The following KCNQ1 variants were observed in gnomAD, a reference collection of about 807,000 sequenced individuals.
KCNQ1 encodes the protein potassium voltage-gated channel subfamily KQT member 1.
KCNQ1 carries 49 observed loss-of-function variants against 72.4 expected under a neutral mutation model. The observed-to-expected ratio is 0.68, with a 90% confidence interval of 0.54 to 0.86. The LOEUF (loss-of-function observed/expected upper bound fraction) is 0.86. Ranked by LOEUF, KCNQ1 falls within the 40% of genes least tolerant of loss-of-function variation. The pLI is 0.00. For missense variants in KCNQ1, 790 were observed against 945.1 expected (o/e 0.84, Z 2.15); for synonymous variants, 450 against 412.6 (o/e 1.09, Z -1.10).
Position 2,785,346 on chromosome 11 carries a change from A to G in KCNQ1, c.1794+7309A>G, listed in dbSNP as rs751355365. Among the ~76,000 whole-genome samples, 2 of 151,908 alleles carry G rather than the reference A, an allele frequency of 1.3e-5. No individual in the cohort carries two copies. The highest frequency in any genetic ancestry group is 2.4e-5 in the African/African-American group (1 of 41,442). Reference sequence around the variant, plus strand: ...TTTCTGGAATATATCCTACCTGGGCATGATATATAATCCTTTTTATATGAT... The same window carrying G: ...TTTCTGGAATATATCCTACCTGGGCGTGATATATAATCCTTTTTATATGAT... On this transcript the variant is annotated intron_variant, in intron 15 of 15. Coordinates refer to ENST00000155840, the MANE Select transcript of KCNQ1 (RefSeq NM_000218.3). This position sits in a 1 kb window ranked among gnomAD's most constrained non-coding sequence, Gnocchi z 4.4.
intron 11 of KCNQ1, among the ~76,000 whole-genome samples, chr11:2,716,120 G>T (rs188778278): frequency 1.3e-5 from 2 of 152,172 alleles, no homozygotes; most frequent in South Asian, 4.1e-4. Context: ...TCCCTTGAGC[G>T]TTTTGGTTGC....
At chr11:2,730,887 G>A (rs1261272686) in intron 11 of KCNQ1, among the ~76,000 whole-genome samples, 1 of 152,196 alleles carries the variant, frequency 6.6e-6, no homozygotes, top group African/African-American at 2.4e-5. Context: ...AGCAGGGCTG[G>A]GCACCAGGCC....
Position 2,745,627 on chromosome 11 carries a change from G to T in KCNQ1, c.1515-23217G>T, listed in dbSNP as rs536187799. Among the ~76,000 whole-genome samples, 1 of 152,328 alleles carries T rather than the reference G, an allele frequency of 6.6e-6. No individual in the cohort carries two copies. The highest frequency in any genetic ancestry group is 1.5e-5 in the Non-Finnish European group (1 of 68,028). ...TCTTGCCTCATGTCTTCAGGTGCGG[G>T]GCTGGCAGAGGCTGGGGTTACCTGA... On this transcript the variant is annotated intron_variant, in intron 11 of 15. Transcript: ENST00000155840. This position sits in a 1 kb window ranked among gnomAD's most constrained non-coding sequence, Gnocchi z 6.2.
rs537021544 is a variant in KCNQ1 at position 2,663,079 on chromosome 11, A to G, written c.1514+998A>G. ...GAACTGGCAGGGTTGGGTAGCCAGA[A>G]TGAGGCCACCTCCAGGGAAGGAGTG... On this transcript the variant is annotated intron_variant, in intron 11 of 15. Transcript: ENST00000155840. This position sits in a 1 kb window ranked among gnomAD's most constrained non-coding sequence, Gnocchi z 5.2. 3 of 398,708 alleles carry G rather than the reference A, an allele frequency of 7.5e-6. No homozygotes were observed. The Admixed American group carries it at 1.3e-4, about 18-fold the overall frequency. 24.7% of individuals were successfully genotyped at this position (398,708 alleles called of 1,614,324 possible).
At chr11:2,489,085 C>G (rs1485394499) in intron 1 of KCNQ1, among the ~76,000 whole-genome samples, 12 of 152,128 alleles carry the variant, frequency 7.9e-5, no homozygotes, top group Admixed American at 7.9e-4. Context: ...TCATAAGAAC[C>G]AAAATTCAGA....
rs976666957 is a variant in KCNQ1 at position 2,446,721 on chromosome 11, G to A, written c.386+1237G>A. 9.2e-5 allele frequency among the ~76,000 whole-genome samples: 14 copies of A among 152,310 alleles called. No homozygotes were observed. Among genetic ancestry groups the A allele is most frequent in the Admixed American group, 2.6e-4 (4 of 15,304 alleles). Reference sequence around the variant, plus strand: ...CCTCCCTCCTCAAAGATGTGGTTGGGGGGTGATCTTGGAGACTTTTCCCCA... The same window carrying A: ...CCTCCCTCCTCAAAGATGTGGTTGGAGGGTGATCTTGGAGACTTTTCCCCA... On this transcript the variant is annotated intron_variant, in intron 1 of 15. Coordinates refer to ENST00000155840, the MANE Select transcript of KCNQ1 (RefSeq NM_000218.3). This position sits in a 1 kb window ranked among gnomAD's most constrained non-coding sequence, Gnocchi z 8.8.
In KCNQ1 at chr11:2,821,557, C is replaced by T. The variant is rs947206669; in HGVS notation, c.1795-26210C>T. 3.3e-5 allele frequency among the ~76,000 whole-genome samples: 5 copies of T among 152,174 alleles called. No homozygotes were observed. In the South Asian group the frequency reaches 6.2e-4, roughly 19 times the overall value. On this transcript the variant is annotated intron_variant, in intron 15 of 15. Coordinates refer to ENST00000155840, the MANE Select transcript of KCNQ1 (RefSeq NM_000218.3). The stretch of plus-strand genomic sequence containing the variant: ...CATGAGGGCAGAGCCCCACTGACCC[C>T]ACACAGTTACCCATGGTGTCCCCTT...
intron 11 of KCNQ1, among the ~76,000 whole-genome samples, chr11:2,740,824 G>A (rs191695816): frequency 1.5e-3 from 221 of 152,250 alleles, no homozygotes; most frequent in African/African-American, 4.8e-3. Flanking sequence ...CTGCGGCCAC[G>A]TCTCCTCCTC....
Position 2,475,678 on chromosome 11 carries a change from A to G in KCNQ1, c.386+30194A>G, listed in dbSNP as rs1462145866. ...CGTGGTTTGTCACTGCCCGGATCTC[A>G]TCTTGAATTCCCTGTGTTGTGGGAG... is the stretch of plus-strand genomic sequence containing the variant. On this transcript the variant is annotated intron_variant, in intron 1 of 15. Transcript: ENST00000155840. The surrounding 1 kb of genome is among the most constrained non-coding windows in gnomAD (Gnocchi z 5.8). Among the ~76,000 whole-genome samples, 1 of 152,154 alleles carries G rather than the reference A, an allele frequency of 6.6e-6. No homozygotes were observed. Among genetic ancestry groups the G allele is most frequent in the East Asian group, 1.9e-4 (1 of 5,200 alleles).
At chr11:2,791,411 GTCAAAATGGGCCCCTTT>G (rs1175992642) in intron 15 of KCNQ1, among the ~76,000 whole-genome samples, 3 of 152,220 alleles carry the variant, frequency 2.0e-5, no homozygotes, top group Non-Finnish European at 4.4e-5. Flanking sequence ...ATGTATTTTG[GTCAAAATGGGCCCCTTT>G]TCAAACTTGT....
chr11:2,535,199 A>G (rs541213305), intron 2 of KCNQ1, among the ~76,000 whole-genome samples: 15 of 152,310 alleles, frequency 9.8e-5, no homozygotes, highest in Non-Finnish European at 2.1e-4. Flanking sequence ...AAAGGACGCT[A>G]GACACTGGCC....
In KCNQ1 at chr11:2,659,087, A is replaced by G; in HGVS notation, c.1394-2874A>G. ...CTCATCATAGTCTGCTTTTCATCGTAGGGTCCTCCAACATCCGGGTTAATT... is the reference window on the plus strand; with the variant it reads ...CTCATCATAGTCTGCTTTTCATCGTGGGGTCCTCCAACATCCGGGTTAATT... On this transcript the variant is annotated intron_variant, in intron 10 of 15. Transcript: ENST00000155840. This position sits in a 1 kb window ranked among gnomAD's most constrained non-coding sequence, Gnocchi z 4.3. The G allele has an allele frequency of 1.0e-5, 4 of 398,574 alleles. No individual in the cohort carries two copies. The highest frequency in any genetic ancestry group is 1.8e-5 in the Non-Finnish European group (4 of 226,044). The allele number at this position is 398,574 out of a possible 1,614,324, so 24.7% of individuals were successfully genotyped here.
chr11:2,738,168 C>T lies in KCNQ1; in HGVS notation c.1515-30676C>T, dbSNP rs550716921. Among the ~76,000 whole-genome samples, 10 of 146,650 alleles carry T rather than the reference C, an allele frequency of 6.8e-5. No individual in the cohort carries two copies. In the South Asian group the frequency reaches 1.3e-3, roughly 19 times the overall value. On this transcript the variant is annotated intron_variant, in intron 11 of 15. Coordinates refer to ENST00000155840, the MANE Select transcript of KCNQ1 (RefSeq NM_000218.3). The stretch of plus-strand genomic sequence containing the variant: ...CCAAATGGTGGGGAGGGAGGAGAGA[C>T]GAGGGCAGAAGTGAGCCCCTGGCTC...
chr11:2,733,814 A>ACACACACACACTCACACACTCTCT, intron 11 of KCNQ1, among the ~76,000 whole-genome samples: 41 of 86,660 alleles, frequency 4.7e-4, no homozygotes, highest in African/African-American at 1.7e-3. Flanking sequence ...ACACACACAC[A>ACACACACACACTCACACACTCTCT]CTCTCTCACT....
rs998222469 is a variant in KCNQ1, at chr11:2,566,101, G to A, written c.478-4527G>A. 1.3e-5 allele frequency among the ~76,000 whole-genome samples: 2 copies of A among 152,088 alleles called. No individual in the cohort carries two copies. Among genetic ancestry groups the A allele is most frequent in the African/African-American group, 4.8e-5 (2 of 41,414 alleles). On this transcript the variant is annotated intron_variant, in intron 2 of 15. Transcript: ENST00000155840. The surrounding 1 kb of genome is among the most constrained non-coding windows in gnomAD (Gnocchi z 6.7). ...CCCCACAGGGCTGAGACACCTCCCT[G>A]TCCCCTGGCAGGGCTGGAGGCTCTG...
intron 1 of KCNQ1, among the ~76,000 whole-genome samples, chr11:2,524,928 A>G (rs1329348375): frequency 6.6e-6 from 1 of 152,180 alleles, no homozygotes; most frequent in Non-Finnish European, 1.5e-5. Flanking sequence ...TGCCCCGGGC[A>G]GCCCGGCTCT....
In KCNQ1 at chr11:2,494,008, G is replaced by GTCCTT. The variant is rs1304664586; in HGVS notation, c.387-33909_387-33905dup. Among the ~76,000 whole-genome samples the GTCCTT allele has an allele frequency of 6.6e-6, 1 of 152,124 alleles. No homozygotes were observed. Among genetic ancestry groups the GTCCTT allele is most frequent in the South Asian group, 2.1e-4 (1 of 4,812 alleles). ...TGGAATTTTTTTTCCATTTGTTTGT[G>GTCCTT]TCCTTTCCTTTCCTTCAGCAGTGGT... On this transcript the variant is annotated intron_variant, in intron 1 of 15. Coordinates refer to ENST00000155840, the MANE Select transcript of KCNQ1 (RefSeq NM_000218.3). This position sits in a 1 kb window ranked among gnomAD's most constrained non-coding sequence, Gnocchi z 4.6.
At chr11:2,610,427 C>T (rs1426381621) in intron 10 of KCNQ1, 4 of 398,212 alleles carry the variant, frequency 1.0e-5, no homozygotes, top group South Asian at 1.3e-4. Context: ...TTATTAACCT[C>T]CTTATATCAT....
At chr11:2,722,360 G>T (rs1403766113) in intron 11 of KCNQ1, among the ~76,000 whole-genome samples, 2 of 152,198 alleles carry the variant, frequency 1.3e-5, no homozygotes, top group African/African-American at 4.8e-5. Flanking sequence ...AACGAGGCAA[G>T]GCCAGCCCAT....
Sources: allele counts gnomAD v4.1 joint callset (sites outside exome capture counted in the v4.1 genomes callset), GRCh38; gene constraint gnomAD v4.1.1; non-coding constraint Gnocchi (gnomAD v3.1); transcripts MANE v1.5; gene names NCBI Gene and HGNC (gene_info 2026-07-23, HGNC 2026-07-21).